The following LRCH3 variants were observed in gnomAD, a reference collection of about 807,000 sequenced individuals.
LRCH3 encodes the protein leucine rich repeats and calponin homology domain containing 3.
LRCH3 carries 68 observed loss-of-function variants against 104.5 expected under a neutral mutation model. The ratio of observed to expected loss-of-function variants is 0.65; its 90% CI spans 0.54 to 0.80. The LOEUF is 0.80. Among genes scored for constraint, LRCH3 ranks in the 30% least tolerant of loss-of-function variants. LRCH3 has a pLI of 0.00. For missense variants in LRCH3, 951 were observed against 953.9 expected (o/e 1.00, Z 0.04); for synonymous variants, 344 against 361.3 (o/e 0.95, Z 0.54).
intron 1 of LRCH3, among the ~76,000 whole-genome samples, chr3:197,813,510 A>ATTTTTTTTTTTTTT (rs57062885): frequency 4.5e-5 from 3 of 66,032 alleles, no homozygotes; most frequent in Non-Finnish European, 6.3e-5. Flanking sequence ...GAGGCATATA[A>ATTTTTTTTTTTTTT]TTTTTTTTTT....
chr3:197,861,115 G>T (rs944054149), intron 15 of LRCH3, among the ~76,000 whole-genome samples: 1 of 151,898 alleles, frequency 6.6e-6, no homozygotes, highest in Admixed American at 6.6e-5. Flanking sequence ...TGGGATTACA[G>T]GTGCCCACCA....
Position 197,883,431 on chromosome 3 carries a change from T to C in LRCH3, c.2209-110T>C, listed in dbSNP as rs150306066. On this transcript the variant is annotated intron_variant, in intron 20 of 20. Transcript: ENST00000425562. The surrounding 1 kb of genome is among the most constrained non-coding windows in gnomAD (Gnocchi z 4.2). Reference sequence around the variant, plus strand: ...AGTTTCCCAGGTACTAATTTTCATATCTAAGTTGATGATTGTGAAGGGGAG... The same window carrying C: ...AGTTTCCCAGGTACTAATTTTCATACCTAAGTTGATGATTGTGAAGGGGAG... 1.4e-4 allele frequency: 204 copies of C among 1,408,396 alleles called. No homozygotes were observed. The highest frequency in any genetic ancestry group is 1.9e-4 in the Non-Finnish European group (200 of 1,072,090). The allele number at this position is 1,408,396 out of a possible 1,614,324, so 87.2% of individuals were successfully genotyped here.
chr3:197,865,767 G>GT (rs11324714), intron 16 of LRCH3, among the ~76,000 whole-genome samples: 19,209 of 140,024 alleles, frequency 0.14, 1,293 homozygotes, highest in African/African-American at 0.18. Flanking sequence ...AAACCACTGG[G>GT]TTTTTTTTTT....
chr3:197,838,184 C>T (rs1188781329), intron 9 of LRCH3, among the ~76,000 whole-genome samples: 6 of 152,322 alleles, frequency 3.9e-5, no homozygotes, highest in South Asian at 2.1e-4. Flanking sequence ...ACTCGGGAGG[C>T]TGAAGTAGGA....
At chr3:197,796,118 G>A (rs1182573683) in intron 1 of LRCH3, among the ~76,000 whole-genome samples, 1 of 152,188 alleles carries the variant, frequency 6.6e-6, no homozygotes. Flanking sequence ...TTTCGTATAT[G>A]AGGAAGCTAG....
chr3:197,879,727 C>T (rs1459060333), intron 20 of LRCH3, among the ~76,000 whole-genome samples: 2 of 152,210 alleles, frequency 1.3e-5, no homozygotes, highest in Non-Finnish European at 2.9e-5. Context: ...ACCCCCGGAT[C>T]ATGAGGCTTT....
chr3:197,881,516 A>G, intron 20 of LRCH3: 1 of 985,438 alleles, frequency 1.0e-6, no homozygotes. Context: ...TAAATTTGGA[A>G]TTTATGTGAT....
At chr3:197,878,809 T>C (rs1713211870) in intron 20 of LRCH3, among the ~76,000 whole-genome samples, 1 of 152,262 alleles carries the variant, frequency 6.6e-6, no homozygotes, top group African/African-American at 2.4e-5. Flanking sequence ...TTTCTCCTGG[T>C]CTCCAGGTCA....
intron 20 of LRCH3, among the ~76,000 whole-genome samples, chr3:197,879,605 A>G (rs1203672987): frequency 1.3e-5 from 2 of 152,054 alleles, no homozygotes; most frequent in Admixed American, 1.3e-4. Flanking sequence ...GAGATCAGCG[A>G]GACTCCGTCT....
At chr3:197,882,252 G>A in intron 20 of LRCH3, 1 of 985,386 alleles carries the variant, frequency 1.0e-6, no homozygotes, top group Non-Finnish European at 1.2e-6. Context: ...AATCAGCCTT[G>A]GAGAAAGCAC....
intron 10 of LRCH3, among the ~76,000 whole-genome samples, chr3:197,840,894 A>T (rs1379638311): frequency 6.6e-6 from 1 of 152,160 alleles, no homozygotes; most frequent in Non-Finnish European, 1.5e-5. Context: ...GTTTCCAGTT[A>T]CATTCCCCAC....
rs1411500826 is a variant in LRCH3, at chr3:197,832,335, G to A, written c.1102+18G>A. 6.2e-7 allele frequency: 1 copy of A among 1,610,052 alleles called. No individual in the cohort carries two copies. Among genetic ancestry groups the A allele is most frequent in the Non-Finnish European group, 8.5e-7 (1 of 1,177,668 alleles). ...CGGCGGAGGTAAACATAATTCCGGT[G>A]ACAGCTAAAGTGTTTGCAACCATTT... On this transcript the variant is annotated intron_variant, in intron 8 of 20. Transcript: ENST00000425562.
At chr3:197,825,877 A>G (rs1444306384) in intron 4 of LRCH3, among the ~76,000 whole-genome samples, 1 of 152,062 alleles carries the variant, frequency 6.6e-6, no homozygotes, top group Non-Finnish European at 1.5e-5. Context: ...AATTGCTACC[A>G]TTATATTTTT....
At chr3:197,809,575 G>A (rs533216183) in intron 1 of LRCH3, among the ~76,000 whole-genome samples, 2 of 150,280 alleles carry the variant, frequency 1.3e-5, no homozygotes, top group African/African-American at 4.9e-5. Context: ...TCCTTGCTCT[G>A]TTCAGTCTTT....
intron 20 of LRCH3, among the ~76,000 whole-genome samples, chr3:197,878,222 T>G (rs1713126380): frequency 6.6e-6 from 1 of 152,144 alleles, no homozygotes; most frequent in South Asian, 2.1e-4. Context: ...TGTTGAAAGG[T>G]CTAAGCCTGT....
At chr3:197,806,051 C>T (rs1343186940) in intron 1 of LRCH3, among the ~76,000 whole-genome samples, 8 of 151,858 alleles carry the variant, frequency 5.3e-5, no homozygotes, top group African/African-American at 1.9e-4. Context: ...CTCAGCCTCC[C>T]GAGTAGCTGG....
chr3:197,812,594 C>T (rs1355170624), intron 1 of LRCH3, among the ~76,000 whole-genome samples: 3 of 144,266 alleles, frequency 2.1e-5, no homozygotes, highest in African/African-American at 7.7e-5. Flanking sequence ...TCACTGCAAC[C>T]AAGCTGGATC....
chr3:197,821,608 C>G (rs568156571), intron 4 of LRCH3, among the ~76,000 whole-genome samples: 1 of 152,186 alleles, frequency 6.6e-6, no homozygotes, highest in Non-Finnish European at 1.5e-5. Flanking sequence ...AAGGAATCTT[C>G]TCAAGGTATT....
chr3:197,845,514 T>C (rs1162409509), intron 10 of LRCH3, among the ~76,000 whole-genome samples: 2 of 152,200 alleles, frequency 1.3e-5, no homozygotes, highest in Non-Finnish European at 2.9e-5. Flanking sequence ...CAGTATTCCA[T>C]GCTTTTTCGG....
Sources: gnomAD v4.1 joint callset for allele counts (sites outside exome capture counted in the v4.1 genomes callset) on GRCh38, gnomAD v4.1.1 for gene constraint, Gnocchi (gnomAD v3.1) non-coding constraint, MANE v1.5 for transcripts, NCBI Gene and HGNC (gene_info 2026-07-23, HGNC 2026-07-21) for gene names.